ARK2N: variants seen among roughly 807,000 people sequenced by gnomAD.
ARK2N encodes protein ARK2N.
the ARK2N span, among the ~76,000 whole-genome samples, chr18:46,193,593 T>TG: frequency 8.0e-6 from 1 of 124,652 alleles, no homozygotes; most frequent in South Asian, 2.6e-4. Context: ...CCAGCCGGGT[T>TG]TTTTTTTTTT....
chr18:46,216,302 G>T, the ARK2N span: 1 of 1,613,864 alleles, frequency 6.2e-7, no homozygotes, highest in Admixed American at 1.7e-5. This position sits in a 1 kb window ranked among gnomAD's most constrained non-coding sequence, Gnocchi z 4.3. Flanking sequence ...CGCAAGTCTA[G>T]GCGGTCCCGA....
chr18:46,181,086 C>T, the ARK2N span, among the ~76,000 whole-genome samples: 2,651 of 151,920 alleles, frequency 0.017, 72 homozygotes, highest in African/African-American at 0.06. Flanking sequence ...ATGATGAAAC[C>T]GTGTCTCTAC....
chr18:46,250,663 T>C, the ARK2N span, among the ~76,000 whole-genome samples: 1,418 of 152,210 alleles, frequency 9.3e-3, 21 homozygotes, highest in African/African-American at 0.032. Flanking sequence ...GGAAATTCTT[T>C]AAAATGCAAA....
chr18:46,255,533 C>G, the ARK2N span, among the ~76,000 whole-genome samples: 2 of 138,240 alleles, frequency 1.4e-5, no homozygotes, highest in Non-Finnish European at 1.5e-5. Flanking sequence ...CTCACTGCAA[C>G]CTCCACCTCC....
At chr18:46,215,515 ATTTCT>A in the ARK2N span, among the ~76,000 whole-genome samples, 1 of 152,140 alleles carries the variant, frequency 6.6e-6, no homozygotes, top group South Asian at 2.1e-4. Flanking sequence ...AGTTTTGAAG[ATTTCT>A]TTGTAGAACA....
At chr18:46,207,075 C>G in the ARK2N span, among the ~76,000 whole-genome samples, 1 of 152,182 alleles carries the variant, frequency 6.6e-6, no homozygotes, top group Non-Finnish European at 1.5e-5. Context: ...TGAACCTGGT[C>G]AATTCTTACT....
chr18:46,183,245 A>C, the ARK2N span, among the ~76,000 whole-genome samples: 1 of 152,166 alleles, frequency 6.6e-6, no homozygotes, highest in Non-Finnish European at 1.5e-5. Flanking sequence ...TATTAGTTAC[A>C]AAAGAAGTTT....
the ARK2N span, among the ~76,000 whole-genome samples, chr18:46,212,693 T>C: frequency 6.6e-6 from 1 of 152,176 alleles, no homozygotes; most frequent in African/African-American, 2.4e-5. Context: ...AACACTCAAA[T>C]TTAAGGAACT....
the ARK2N span, chr18:46,231,689 G>T: frequency 6.7e-6 from 1 of 150,058 alleles, no homozygotes; most frequent in Non-Finnish European, 1.5e-5. Flanking sequence ...TTAACAGCAA[G>T]AGTCTCTGGG....
At chr18:46,250,538 T>C in the ARK2N span, among the ~76,000 whole-genome samples, 15 of 114,498 alleles carry the variant, frequency 1.3e-4, no homozygotes, top group African/African-American at 3.9e-4. Context: ...TGTTTTTTTT[T>C]CCTAGTTCAG....
chr18:46,216,863 G>C, the ARK2N span: 1 of 379,548 alleles, frequency 2.6e-6, no homozygotes, highest in Non-Finnish European at 4.8e-6. The surrounding 1 kb of genome is among the most constrained non-coding windows in gnomAD (Gnocchi z 4.3). Flanking sequence ...TCATAAGTCT[G>C]TCTGTAACAC....
chr18:46,186,930 C>A, the ARK2N span, among the ~76,000 whole-genome samples: 1 of 151,510 alleles, frequency 6.6e-6, no homozygotes, highest in East Asian at 2.0e-4. Context: ...TCTAGGCTCA[C>A]TGCAACCTCT....
chr18:46,249,976 C>T, the ARK2N span, among the ~76,000 whole-genome samples: 1 of 152,060 alleles, frequency 6.6e-6, no homozygotes, highest in African/African-American at 2.4e-5. Context: ...TGCACACCAC[C>T]ACGTCTAATT....
the ARK2N span, among the ~76,000 whole-genome samples, chr18:46,229,617 T>G: frequency 6.7e-6 from 1 of 149,992 alleles, no homozygotes; most frequent in Non-Finnish European, 1.5e-5. Flanking sequence ...GTGCTGGTGT[T>G]GTTTTTTTAA....
the ARK2N span, among the ~76,000 whole-genome samples, chr18:46,213,486 T>G: frequency 6.6e-6 from 1 of 152,206 alleles, no homozygotes; most frequent in African/African-American, 2.4e-5. Context: ...ATTTCGTGTT[T>G]GTATTGACAG....
the ARK2N span, among the ~76,000 whole-genome samples, chr18:46,247,145 G>A: frequency 6.6e-6 from 1 of 151,946 alleles, no homozygotes; most frequent in African/African-American, 2.4e-5. Context: ...AATAAAGTTA[G>A]AAGAATCTGA....
At chr18:46,193,990 C>G in the ARK2N span, among the ~76,000 whole-genome samples, 1 of 152,046 alleles carries the variant, frequency 6.6e-6, no homozygotes, top group South Asian at 2.1e-4. Context: ...GTTCAGTGCC[C>G]CTAACTTTTC....
the ARK2N span, among the ~76,000 whole-genome samples, chr18:46,212,401 A>T: frequency 6.6e-6 from 1 of 152,200 alleles, no homozygotes; most frequent in African/African-American, 2.4e-5. Context: ...GAGTCTATGC[A>T]TCTACAGATA....
the ARK2N span, among the ~76,000 whole-genome samples, chr18:46,254,747 T>C: frequency 6.6e-6 from 1 of 152,216 alleles, no homozygotes; most frequent in Non-Finnish European, 1.5e-5. Flanking sequence ...GCCTAAGATA[T>C]GTACTGTCTG....
Sources: allele counts gnomAD v4.1 joint callset (sites outside exome capture counted in the v4.1 genomes callset), GRCh38; gene constraint gnomAD v4.1.1; non-coding constraint Gnocchi (gnomAD v3.1); transcripts MANE v1.5; gene names NCBI Gene and HGNC (gene_info 2026-07-23, HGNC 2026-07-21).